The following ZBTB20 variants were observed in gnomAD, a reference collection of about 807,000 sequenced individuals.
ZBTB20 encodes zinc finger and BTB domain-containing protein 20.
ZBTB20 carries 9 observed loss-of-function variants against 56.9 expected under a neutral mutation model. The ratio of observed to expected loss-of-function variants is 0.16; its 90% CI spans 0.10 to 0.28. ZBTB20 has a LOEUF of 0.28. Ranked by LOEUF, ZBTB20 falls within the 10% of genes least tolerant of loss-of-function variation. ZBTB20 has a pLI of 1.00. For missense variants in ZBTB20, 655 were observed against 1,003.0 expected, an observed-to-expected ratio of 0.65 and a Z score of 4.69; for synonymous variants, 417 against 420.7, an observed-to-expected ratio of 0.99 and a Z score of 0.11.
intron 5 of ZBTB20, among the ~76,000 whole-genome samples, chr3:114,736,844 A>G (rs1441235583): frequency 2.0e-5 from 3 of 152,212 alleles, no homozygotes; most frequent in African/African-American, 7.2e-5. Flanking sequence ...TGAAGACTAC[A>G]GAGGCCAAGC....
intron 3 of ZBTB20, among the ~76,000 whole-genome samples, chr3:114,956,537 T>C (rs1227538401): frequency 2.0e-5 from 3 of 152,190 alleles, no homozygotes; most frequent in African/African-American, 7.2e-5. Context: ...ATAGATTAGA[T>C]TTAATTTGTA....
intron 6 of ZBTB20, among the ~76,000 whole-genome samples, chr3:114,660,665 A>G (rs1433506053): frequency 6.6e-6 from 1 of 152,044 alleles, no homozygotes; most frequent in Non-Finnish European, 1.5e-5. Context: ...CTGGATAACC[A>G]CCCCCTGGAT....
rs535924684 is a variant in ZBTB20 at position 114,928,349 on chromosome 3, G to T, written c.-455-28007C>A. 2.0e-5 allele frequency among the ~76,000 whole-genome samples: 3 copies of T among 151,344 alleles called. No individual in the cohort carries two copies. In the East Asian group the frequency reaches 5.9e-4, roughly 30 times the overall value. ...GAGAACCTCAAGGTTCTTCAATGAT[G>T]GAGAACCTCAAGGTTCTTCAATGAT... On this transcript the variant is annotated intron_variant, in intron 3 of 11. Transcript: ENST00000675478.
intron 7 of ZBTB20, among the ~76,000 whole-genome samples, chr3:114,401,083 G>GACACACAC (rs201829025): frequency 0.032 from 4,192 of 133,064 alleles, 101 homozygotes; most frequent in Middle Eastern, 0.052. Flanking sequence ...CTACCTCCCA[G>GACACACAC]ACACACACAC....
At chr3:114,807,136 C>G (rs1328520920) in intron 4 of ZBTB20, among the ~76,000 whole-genome samples, 2 of 151,806 alleles carry the variant, frequency 1.3e-5, no homozygotes, top group Admixed American at 6.6e-5. Flanking sequence ...CGCCTTTATT[C>G]TTTTTGACAG....
chr3:114,424,798 G>C (rs2089503722), intron 7 of ZBTB20, among the ~76,000 whole-genome samples: 1 of 152,060 alleles, frequency 6.6e-6, no homozygotes, highest in South Asian at 2.1e-4. Context: ...GCAAGGCATG[G>C]CACATCTTTT....
Position 114,319,862 on chromosome 3 carries a change from A to C in ZBTB20, c.*19143T>G, listed in dbSNP as rs1164034213. 1 of 152,116 alleles carries C rather than the reference A, an allele frequency of 6.6e-6. No homozygotes were observed. Among genetic ancestry groups the C allele is most frequent in the Non-Finnish European group, 1.5e-5 (1 of 68,022 alleles). The allele number at this position is 152,116 out of a possible 1,614,324, so 9.4% of individuals were successfully genotyped here. On this transcript the variant is annotated 3_prime_UTR_variant, in exon 12 of 12. Coordinates refer to ENST00000675478, the MANE Select transcript of ZBTB20 (RefSeq NM_001348800.3). ...CATATATATATACACACACACACACAAATTTGTTACATAGCCAATTTGTTT... is the reference window on the plus strand; with the variant it reads ...CATATATATATACACACACACACACCAATTTGTTACATAGCCAATTTGTTT...
intron 3 of ZBTB20, among the ~76,000 whole-genome samples, chr3:114,973,608 G>T (rs1431351892): frequency 1.3e-5 from 2 of 152,150 alleles, no homozygotes; most frequent in Non-Finnish European, 2.9e-5. Flanking sequence ...TTAAAAACAA[G>T]CTATCACACA....
At chr3:114,377,730 A>C (rs1251740414) in intron 10 of ZBTB20, among the ~76,000 whole-genome samples, 1 of 152,068 alleles carries the variant, frequency 6.6e-6, no homozygotes, top group Non-Finnish European at 1.5e-5. Context: ...CAAATCCATA[A>C]ACACCCCTCG....
intron 3 of ZBTB20, among the ~76,000 whole-genome samples, chr3:114,904,004 G>A (rs1046513959): frequency 1.2e-4 from 19 of 152,030 alleles, no homozygotes; most frequent in Non-Finnish European, 1.5e-4. Context: ...ATCCTGAGTT[G>A]TTAAGTGGCG....
chr3:114,969,241 G>T (rs1161803856), intron 3 of ZBTB20, among the ~76,000 whole-genome samples: 4 of 152,082 alleles, frequency 2.6e-5, no homozygotes, highest in African/African-American at 7.2e-5. Flanking sequence ...GGAAAGAAGG[G>T]GTTGACAGAA....
chr3:114,879,151 G>T (rs1289545048), intron 4 of ZBTB20, among the ~76,000 whole-genome samples: 1 of 152,156 alleles, frequency 6.6e-6, no homozygotes, highest in Non-Finnish European at 1.5e-5. Context: ...ACTTGTCAGT[G>T]ATAAGTGAAG....
rs560498737 is a variant in ZBTB20 at position 114,961,828 on chromosome 3, C to T, written c.-456+12538G>A. 1.1e-4 allele frequency among the ~76,000 whole-genome samples: 17 copies of T among 152,180 alleles called. No homozygotes were observed. In the South Asian group the frequency reaches 3.5e-3, roughly 32 times the overall value. Reference sequence around the variant, plus strand: ...TATAGAGCAGAAGCCAACACTAATTCTGTATAAATATGTCTGATTAATAAG... The same window carrying T: ...TATAGAGCAGAAGCCAACACTAATTTTGTATAAATATGTCTGATTAATAAG... On this transcript the variant is annotated intron_variant, in intron 3 of 11. Transcript: ENST00000675478.
intron 6 of ZBTB20, among the ~76,000 whole-genome samples, chr3:114,570,249 G>T: frequency 6.6e-6 from 1 of 151,440 alleles, no homozygotes; most frequent in Non-Finnish European, 1.5e-5. Flanking sequence ...TTAAGTTTTT[G>T]TTTTTCCTCT....
chr3:114,774,923 G>T (rs558914692), intron 5 of ZBTB20, among the ~76,000 whole-genome samples: 1 of 151,936 alleles, frequency 6.6e-6, no homozygotes, highest in Non-Finnish European at 1.5e-5. Context: ...AAAAAGAAAA[G>T]AAAAGAAAAA....
intron 4 of ZBTB20, among the ~76,000 whole-genome samples, chr3:114,891,323 T>C (rs1263996893): frequency 1.3e-5 from 2 of 152,210 alleles, no homozygotes; most frequent in African/African-American, 4.8e-5. Flanking sequence ...TTACACCAAA[T>C]CCAGGTCTAA....
At chr3:114,592,404 G>A (rs553875779) in intron 6 of ZBTB20, among the ~76,000 whole-genome samples, 18 of 152,280 alleles carry the variant, frequency 1.2e-4, no homozygotes, top group African/African-American at 4.1e-4. Context: ...TCTCTCCTAG[G>A]ATATTTCGTG....
intron 1 of ZBTB20, among the ~76,000 whole-genome samples, chr3:115,134,748 C>T (rs1387766624): frequency 6.6e-6 from 1 of 152,066 alleles, no homozygotes; most frequent in Non-Finnish European, 1.5e-5. Context: ...TCTGATTTTC[C>T]TCTCTCACTT....
intron 4 of ZBTB20, among the ~76,000 whole-genome samples, chr3:114,888,582 A>G (rs13086021): frequency 0.17 from 26,467 of 152,104 alleles, 3,166 homozygotes; most frequent in Middle Eastern, 0.27. Flanking sequence ...AAATATACCT[A>G]TTTTTCATCA....
Sources: allele counts gnomAD v4.1 joint callset (sites outside exome capture counted in the v4.1 genomes callset), GRCh38; gene constraint gnomAD v4.1.1; transcripts MANE v1.5; gene names NCBI Gene and HGNC (gene_info 2026-07-23, HGNC 2026-07-21).